DBI: variants seen among roughly 807,000 people sequenced by gnomAD.
DBI encodes diazepam binding inhibitor, acyl-CoA binding protein.
DBI carries 12 observed loss-of-function variants against 13.0 expected under a neutral mutation model. That is an observed-to-expected ratio of 0.92 (90% confidence interval 0.59 to 1.49). The LOEUF (loss-of-function observed/expected upper bound fraction) is 1.49, where lower values mean the gene tolerates loss of function less well. DBI is among the 40% of genes most tolerant of loss of function. DBI has a pLI of 0.00. For synonymous variants in DBI, 37 were observed against 37.4 expected (o/e 0.99, Z 0.04); for missense variants, 95 against 104.8 (o/e 0.91, Z 0.41).
At chr2:119,368,762 G>A (rs968926601) in intron 2 of DBI, 28 of 163,958 alleles carry the variant, frequency 1.7e-4, no homozygotes, top group Admixed American at 1.4e-3. Context: ...TAACAAGTCT[G>A]TGCCTTCCTG....
intron 2 of DBI, chr2:119,370,158 G>A (rs541352583): frequency 6.6e-6 from 1 of 152,336 alleles, no homozygotes; most frequent in East Asian, 1.9e-4. Flanking sequence ...GATGGTGAGT[G>A]TGTTTCCCAA....
intron 3 of DBI, 45 bp from the exon 4 acceptor site, chr2:119,372,200 T>C: frequency 6.7e-7 from 1 of 1,488,970 alleles, no homozygotes; most frequent in Non-Finnish European, 9.4e-7. Flanking sequence ...GCTTGTTTCC[T>C]ACCATGCTAC....
chr2:119,369,098 A>G (rs961624365), intron 2 of DBI, among the ~76,000 whole-genome samples: 1 of 152,182 alleles, frequency 6.6e-6, no homozygotes, highest in Non-Finnish European at 1.5e-5. Context: ...AGTACCCAGA[A>G]TGACAGATCA....
At chr2:119,370,691 T>G in intron 2 of DBI, 49 bp from the exon 3 acceptor site, 1 of 1,539,506 alleles carries the variant, frequency 6.5e-7, no homozygotes, top group Non-Finnish European at 9.0e-7. Context: ...GATCAAGTTC[T>G]CCATTAGAAT....
In DBI at chr2:119,367,030, G is replaced by A; in HGVS notation, c.-22G>A. On this transcript the variant is annotated 5_prime_UTR_variant, in exon 1 of 4. Transcript: ENST00000355857. ...CCTCGCCTCCTCCGCTGTCTCCCTGGAGTTCTTGCAAGTCGGCCAGGATGT... is the reference window on the plus strand; with the variant it reads ...CCTCGCCTCCTCCGCTGTCTCCCTGAAGTTCTTGCAAGTCGGCCAGGATGT... 6.2e-7 allele frequency: 1 copy of A among 1,614,062 alleles called. No homozygotes were observed. The highest frequency in any genetic ancestry group is 1.1e-5 in the South Asian group (1 of 91,078).
chr2:119,366,989 G>A lies in DBI; in HGVS notation c.-63G>A. The A allele has an allele frequency of 2.5e-6, 4 of 1,609,372 alleles. No individual in the cohort carries two copies. The highest frequency in any genetic ancestry group is 3.4e-6 in the Non-Finnish European group (4 of 1,176,452). On this transcript the variant is annotated 5_prime_UTR_variant, in exon 1 of 4. Transcript: ENST00000355857. ...AAAGGCGCTTGCCAGTGCAATCTGG[G>A]CGATCGCTTCCTGGTCCTCGCCTCC...
intron 2 of DBI, 131 bp downstream of exon 2, chr2:119,368,436 T>G: frequency 1.4e-6 from 1 of 697,520 alleles, no homozygotes; most frequent in Non-Finnish European, 2.6e-6. Context: ...TGGTGATGGT[T>G]CCTGAGGTGG....
chr2:119,372,313 A>C lies in DBI; in HGVS notation c.259A>C (p.Ile87Leu), dbSNP rs766387683. The change falls in exon 4 of 4, where the codon ATA becomes CTA. Residue 87 changes from isoleucine (I) to leucine (L), a missense_variant. Transcript: ENST00000355857. ...KVEELKKKYG[I>L] Reference sequence around the variant, plus strand: ...AGAAGAGCTAAAGAAAAAATACGGGATATGAGAGACTGGATTTGGTTACTG... The same window carrying C: ...AGAAGAGCTAAAGAAAAAATACGGGCTATGAGAGACTGGATTTGGTTACTG... 1 of 1,611,166 alleles carries C rather than the reference A, an allele frequency of 6.2e-7. No individual in the cohort carries two copies.
rs1681593056 is a variant in DBI at position 119,372,449 on chromosome 2, A to AGAT, written c.*131_*132insGAT. 4.5e-6 allele frequency: 3 copies of AGAT among 661,406 alleles called. No homozygotes were observed. The highest frequency in any genetic ancestry group is 8.1e-6 in the Non-Finnish European group (3 of 370,816). 41.0% of individuals were successfully genotyped at this position (661,406 alleles called of 1,614,324 possible). A position where few individuals can be genotyped will look rare whatever the true frequency, so the allele number is the denominator to read the frequency against. ...AACCAGCTACTCAAGGCTGCTCACC[A>AGAT]TACGGCTCTAACAGATTAGGGGCTA... On this transcript the variant is annotated 3_prime_UTR_variant, in exon 4 of 4. Coordinates refer to ENST00000355857, the MANE Select transcript of DBI (RefSeq NM_001079862.4).
In DBI at chr2:119,367,111, G is replaced by A. The variant is rs748296210; in HGVS notation, c.9+51G>A. 5.6e-6 allele frequency: 9 copies of A among 1,610,724 alleles called. No homozygotes were observed. The East Asian group carries it at 1.6e-4, about 28-fold the overall frequency. On this transcript the variant is annotated intron_variant, in intron 1 of 3. Coordinates refer to ENST00000355857, the MANE Select transcript of DBI (RefSeq NM_001079862.4). ...CGAAGGTGCAGCGGGCGGGAGGCCC[G>A]TTGGGGGCTCAGCCGGCTGCCAGAA...
rs747856609 is a variant in DBI at position 119,370,811 on chromosome 2, TC to T, written c.190+10del. 6.2e-7 allele frequency: 1 copy of T among 1,612,246 alleles called. No individual in the cohort carries two copies. Among genetic ancestry groups the T allele is most frequent in the South Asian group, 1.1e-5 (1 of 90,818 alleles). Reference sequence around the variant, plus strand: ...CTGGAATGAGCTGAAAGGTAATTGTTCTAATCAATTTCTCTCATTTGTGAAA... The same window carrying T: ...CTGGAATGAGCTGAAAGGTAATTGTTTAATCAATTTCTCTCATTTGTGAAA... On this transcript the variant is annotated intron_variant, in intron 3 of 3. Coordinates refer to ENST00000355857, the MANE Select transcript of DBI (RefSeq NM_001079862.4).
At chr2:119,367,314 G>T (rs1477887808) in intron 1 of DBI, 2 of 1,436,986 alleles carry the variant, frequency 1.4e-6, no homozygotes, top group African/African-American at 2.9e-5. Context: ...TAGCGGGAGA[G>T]GGGTGGGAGT....
At chr2:119,368,367 G>A in intron 2 of DBI, 62 bp downstream of exon 2, 1 of 1,213,808 alleles carries the variant, frequency 8.2e-7, no homozygotes, top group Non-Finnish European at 1.2e-6. Flanking sequence ...AGCTCAGACT[G>A]GAAGTCCCTG....
chr2:119,367,005 C>T lies in DBI; in HGVS notation c.-47C>T, dbSNP rs755622784. ...GCAATCTGGGCGATCGCTTCCTGGT[C>T]CTCGCCTCCTCCGCTGTCTCCCTGG... is the stretch of plus-strand genomic sequence containing the variant. On this transcript the variant is annotated 5_prime_UTR_variant, in exon 1 of 4. Transcript: ENST00000355857. 3.7e-6 allele frequency: 6 copies of T among 1,612,982 alleles called. No homozygotes were observed. Among genetic ancestry groups the T allele is most frequent in the Non-Finnish European group, 5.1e-6 (6 of 1,179,264 alleles).
chr2:119,370,844 A>G, intron 3 of DBI, 42 bp downstream of exon 3: 2 of 1,547,010 alleles, frequency 1.3e-6, no homozygotes, highest in Non-Finnish European at 1.8e-6. Flanking sequence ...GAAACCCAGT[A>G]GTGAAAGAGT....
At position 119,370,723 on chromosome 2, in the gene DBI, T is replaced by G; in HGVS notation, c.128-17T>G. On this transcript the variant is annotated splice_polypyrimidine_tract_variant and intron_variant, in intron 2 of 3. Transcript: ENST00000355857. ...GAATTTGAACCAGATCTAATGCCTT[T>G]TCTTCCCTTGTTTAAGAACGGCCCG... 1 of 1,612,848 alleles carries G rather than the reference T, an allele frequency of 6.2e-7. No homozygotes were observed. The highest frequency in any genetic ancestry group is 8.5e-7 in the Non-Finnish European group (1 of 1,179,378).
In DBI at chr2:119,368,315, G is replaced by A. The variant is rs770924007; in HGVS notation, c.127+10G>A. 1.2e-6 allele frequency: 2 copies of A among 1,603,528 alleles called. No homozygotes were observed. Among genetic ancestry groups the A allele is most frequent in the Non-Finnish European group, 1.7e-6 (2 of 1,170,326 alleles). ...GGCGACATAAATACAGGTATGCAGA[G>A]CGGGGGTTGGAAGGGCATCTGCTCA... On this transcript the variant is annotated intron_variant, in intron 2 of 3. Coordinates refer to ENST00000355857, the MANE Select transcript of DBI (RefSeq NM_001079862.4).
chr2:119,369,300 G>A (rs1391095045), intron 2 of DBI, among the ~76,000 whole-genome samples: 1 of 152,210 alleles, frequency 6.6e-6, no homozygotes, highest in Admixed American at 6.5e-5. Context: ...AGACTGGCCT[G>A]TGCCCGTACT....
Position 119,367,074 on chromosome 2 carries a change from A to G in DBI, c.9+14A>G, listed in dbSNP as rs369988187. The G allele has an allele frequency of 2.8e-5, 45 of 1,613,826 alleles. 1 individual carries two copies. The South Asian group carries it at 3.2e-4, about 11-fold the overall frequency. ...AGGATGTCTCAGGTACAGCGCGTGC[A>G]CAGCCAGGCTGCGAAGGTGCAGCGG... On this transcript the variant is annotated intron_variant, in intron 1 of 3. Coordinates refer to ENST00000355857, the MANE Select transcript of DBI (RefSeq NM_001079862.4).
Sources: gnomAD v4.1 joint callset for allele counts (sites outside exome capture counted in the v4.1 genomes callset) on GRCh38, gnomAD v4.1.1 for gene constraint, MANE v1.5 for transcripts, NCBI Gene and HGNC (gene_info 2026-07-23, HGNC 2026-07-21) for gene names.